Variants in MTR observed in about 807,000 individuals in gnomAD.
The protein encoded by MTR is 5-methyltetrahydrofolate-homocysteine methyltransferase.
A neutral mutation model predicts 154.8 loss-of-function variants in MTR; 84 were observed. That is an observed-to-expected ratio of 0.54 (90% CI 0.45 to 0.65). The LOEUF (loss-of-function observed/expected upper bound fraction) is 0.65, where lower values mean the gene tolerates loss of function less well. MTR is among the 30% of genes least tolerant of loss of function. The pLI is 0.00. For missense variants in MTR, 1,275 were observed against 1,570.2 expected (o/e 0.81, Z 3.18); for synonymous variants, 554 against 553.9 (o/e 1.00, Z 0.00).
intron 11 of MTR, among the ~76,000 whole-genome samples, chr1:236,828,305 A>T (rs907601590): frequency 2.0e-5 from 3 of 152,132 alleles, no homozygotes; most frequent in African/African-American, 7.2e-5. Context: ...ATATCTTGTA[A>T]ATAATTTCTG....
At chr1:236,805,542 G>GCCACCGTGGTTCACTCTTGC (rs1660931565) in intron 2 of MTR, among the ~76,000 whole-genome samples, 1 of 151,996 alleles carries the variant, frequency 6.6e-6, no homozygotes, top group South Asian at 2.1e-4. Flanking sequence ...GTGCAGTGGT[G>GCCACCGTGGTTCACTCTTGC]CCACCGTGGC....
chr1:236,826,818 C>T lies in MTR; in HGVS notation c.928-11C>T. 2 of 1,613,754 alleles carry T rather than the reference C, an allele frequency of 1.2e-6. No individual in the cohort carries two copies. Among genetic ancestry groups the T allele is most frequent in the African/African-American group, 1.3e-5 (1 of 75,028 alleles). ...TGAACTTGCTGAAACTTTGTCTCTT[C>T]CTAAATGCAGGATTTTGCTATGGAT... On this transcript the variant is annotated splice_polypyrimidine_tract_variant and intron_variant, in intron 10 of 32. Coordinates refer to ENST00000366577, the MANE Select transcript of MTR (RefSeq NM_000254.3).
chr1:236,812,204 C>G (rs1019030628), intron 5 of MTR, among the ~76,000 whole-genome samples: 2 of 152,236 alleles, frequency 1.3e-5, no homozygotes, highest in African/African-American at 4.8e-5. Context: ...AAAATTTTAC[C>G]TAGGAGTGAT....
chr1:236,807,047 T>C (rs1189459766), intron 3 of MTR, among the ~76,000 whole-genome samples: 1 of 152,224 alleles, frequency 6.6e-6, no homozygotes, highest in African/African-American at 2.4e-5. Context: ...GCTATATACA[T>C]GTATATATAG....
intron 6 of MTR, among the ~76,000 whole-genome samples, chr1:236,814,649 GATCTAGTGTTTTCTATCA>G (rs1661487385): frequency 6.6e-6 from 1 of 152,098 alleles, no homozygotes; most frequent in Non-Finnish European, 1.5e-5. Context: ...AGTGCATTTG[GATCTAGTGTTTTCTATCA>G]ATCTGTCTGC....
chr1:236,848,639 A>T (rs1289069714), intron 15 of MTR, among the ~76,000 whole-genome samples: 1 of 152,132 alleles, frequency 6.6e-6, no homozygotes, highest in Non-Finnish European at 1.5e-5. Context: ...AAAGCTCGCC[A>T]CCTTCCCTAA....
chr1:236,893,022 G>C (rs1467492359), intron 29 of MTR, among the ~76,000 whole-genome samples: 1 of 152,156 alleles, frequency 6.6e-6, no homozygotes, highest in Non-Finnish European at 1.5e-5. Flanking sequence ...AGTGCACTCT[G>C]GAACATTCTG....
At chr1:236,872,753 T>TATAATCCCA (rs1665211169) in intron 22 of MTR, among the ~76,000 whole-genome samples, 1 of 152,162 alleles carries the variant, frequency 6.6e-6, no homozygotes, top group African/African-American at 2.4e-5. Flanking sequence ...AGCTCAAGCC[T>TATAATCCCA]GTAATCCCAA....
intron 22 of MTR, among the ~76,000 whole-genome samples, chr1:236,870,780 T>C (rs1287841813): frequency 6.6e-6 from 1 of 152,192 alleles, no homozygotes; most frequent in Non-Finnish European, 1.5e-5. Flanking sequence ...AAAACTGAAC[T>C]AATTGCCACC....
chr1:236,846,730 ATTT>A (rs1663597428), intron 15 of MTR, among the ~76,000 whole-genome samples: 1 of 151,598 alleles, frequency 6.6e-6, no homozygotes, highest in African/African-American at 2.4e-5. Context: ...TAATTGGCTT[ATTT>A]TTTCTTTGGT....
chr1:236,802,846 T>G lies in MTR; in HGVS notation c.35-582T>G, dbSNP rs571953594. The stretch of plus-strand genomic sequence containing the variant: ...AACCAGAAAGCAGGATTAGAAGGAG[T>G]AAGCATTGGGCCCTTTTCTGGACTG... On this transcript the variant is annotated intron_variant, in intron 1 of 32. Coordinates refer to ENST00000366577, the MANE Select transcript of MTR (RefSeq NM_000254.3). Among the ~76,000 whole-genome samples the G allele has an allele frequency of 1.9e-3, 292 of 151,970 alleles. 3 individuals are homozygous for G. The highest frequency in any genetic ancestry group is 0.014 in the Middle Eastern group (4 of 294).
intron 18 of MTR, among the ~76,000 whole-genome samples, chr1:236,857,897 G>C (rs1664294029): frequency 6.6e-6 from 1 of 152,200 alleles, no homozygotes; most frequent in Non-Finnish European, 1.5e-5. Context: ...GCCAAGGTTT[G>C]GGGGTAGAGT....
chr1:236,873,063 A>G (rs1166757555), intron 22 of MTR, among the ~76,000 whole-genome samples: 2 of 152,242 alleles, frequency 1.3e-5, no homozygotes, highest in African/African-American at 4.8e-5. Context: ...TAAGCAAAAC[A>G]TGTTATCTCC....
chr1:236,877,767 A>G (rs1277362060), intron 24 of MTR, among the ~76,000 whole-genome samples: 1 of 152,214 alleles, frequency 6.6e-6, no homozygotes, highest in African/African-American at 2.4e-5. Context: ...TTGCCAGATC[A>G]TAGGATATGC....
chr1:236,846,314 G>A (rs1274388050), intron 15 of MTR, among the ~76,000 whole-genome samples: 2 of 151,832 alleles, frequency 1.3e-5, no homozygotes, highest in Admixed American at 1.3e-4. Context: ...TAATCCTTAG[G>A]TTCACAAAAA....
intron 18 of MTR, among the ~76,000 whole-genome samples, chr1:236,855,624 C>T (rs569919249): frequency 6.6e-5 from 10 of 152,302 alleles, no homozygotes; most frequent in African/African-American, 1.7e-4. Context: ...TTGGCTTTCT[C>T]TGCAGCAGTT....
chr1:236,895,255 T>A (rs1666556714), intron 30 of MTR, 103 bp from the exon 31 acceptor site: 2 of 1,281,250 alleles, frequency 1.6e-6, no homozygotes, highest in Admixed American at 2.0e-5. Flanking sequence ...GTGGTCCAGA[T>A]GAGGGAGGGT....
At chr1:236,805,688 G>A (rs1005048607) in intron 2 of MTR, among the ~76,000 whole-genome samples, 2 of 151,828 alleles carry the variant, frequency 1.3e-5, no homozygotes, top group African/African-American at 4.8e-5. Context: ...GTTAGAGACA[G>A]GGTCTTTCTA....
At chr1:236,834,219 A>G (rs1261293644) in intron 13 of MTR, among the ~76,000 whole-genome samples, 3 of 152,160 alleles carry the variant, frequency 2.0e-5, no homozygotes, top group Admixed American at 1.3e-4. Context: ...TTGCTCTGTC[A>G]CCCAGGCTGG....
Sources: gnomAD v4.1 joint callset for allele counts (sites outside exome capture counted in the v4.1 genomes callset) on GRCh38, gnomAD v4.1.1 for gene constraint, MANE v1.5 for transcripts, NCBI Gene and HGNC (gene_info 2026-07-23, HGNC 2026-07-21) for gene names.